Variants in WDFY3 observed in about 807,000 individuals in gnomAD.
WDFY3 encodes WD repeat and FYVE domain containing 3.
A neutral mutation model predicts 409.6 loss-of-function variants in WDFY3; 66 were observed. The ratio of observed to expected loss-of-function variants is 0.16; its 90% CI spans 0.13 to 0.20. The LOEUF is 0.20. WDFY3 is among the 10% of genes least tolerant of loss of function. WDFY3 has a pLI of 1.00. For synonymous variants in WDFY3, 1,521 were observed against 1,537.1 expected (o/e 0.99, Z 0.25); for missense variants, 3,031 against 4,298.1 (o/e 0.71, Z 8.24).
chr4:84,721,664 A>G, intron 46 of WDFY3, 92 bp from the exon 47 acceptor site: 1 of 1,463,016 alleles, frequency 6.8e-7, no homozygotes, highest in Non-Finnish European at 9.1e-7. Flanking sequence ...ATAGATTTCC[A>G]ATTTGAGACA....
At chr4:84,743,479 G>C (rs1033045200) in intron 37 of WDFY3, among the ~76,000 whole-genome samples, 3 of 152,052 alleles carry the variant, frequency 2.0e-5, no homozygotes, top group Non-Finnish European at 2.9e-5. Context: ...TCATATATCT[G>C]TCAAGAGTAA....
rs1362150894 is a variant in WDFY3, at chr4:84,751,691, C to A, written c.5765G>T (p.Gly1922Val). 6 of 1,614,130 alleles carry A rather than the reference C, an allele frequency of 3.7e-6. No homozygotes were observed. The South Asian group carries it at 6.6e-5, about 18-fold the overall frequency. ...CGCTTTAAACTCTTCTGCTGGAGAT[C>A]CAACTTCATCATCAAGGTCAGTCAC... ...EMVTDLDDEV[G>V]SPAEEFKAFA... is the part of the protein sequence containing the mutation. Residue 1922 changes from glycine to valine, a missense_variant, in exon 36 of 68, where the codon GGA (glycine) becomes GTA (valine). Physicochemically the swap from Gly to Val is moderately radical, Grantham distance 109 (BLOSUM62 -3). Transcript: ENST00000295888.
intron 9 of WDFY3, 91 bp downstream of exon 9, chr4:84,828,913 G>T: frequency 7.6e-7 from 1 of 1,308,538 alleles, no homozygotes; most frequent in Non-Finnish European, 1.0e-6. Flanking sequence ...TCCTTAATTT[G>T]CTTTTCCTAT....
intron 3 of WDFY3, among the ~76,000 whole-genome samples, chr4:84,867,576 T>G (rs1761562882): frequency 6.6e-6 from 1 of 152,180 alleles, no homozygotes; most frequent in African/African-American, 2.4e-5. Context: ...CAGATAGTAT[T>G]TCTTAATCTA....
chr4:84,683,648 G>T (rs1249306442), intron 63 of WDFY3, among the ~76,000 whole-genome samples: 1 of 152,178 alleles, frequency 6.6e-6, no homozygotes, highest in Non-Finnish European at 1.5e-5. Flanking sequence ...TACTTCTGCA[G>T]TTCGCATGTT....
chr4:84,743,200 C>G (rs1474006938), intron 37 of WDFY3, among the ~76,000 whole-genome samples: 3 of 152,090 alleles, frequency 2.0e-5, no homozygotes, highest in Non-Finnish European at 1.5e-5. Flanking sequence ...GTTTTATACA[C>G]AAATGTTGGC....
In WDFY3 at chr4:84,679,046, T is replaced by C; in HGVS notation, c.10020A>G (p.Leu3340=). 1 of 1,614,264 alleles carries C rather than the reference T, an allele frequency of 6.2e-7. No homozygotes were observed. Residue 3340 remains leucine (L), a synonymous_variant, in exon 65 of 68, where the codon CTA becomes CTG. Coordinates refer to ENST00000295888, the MANE Select transcript of WDFY3 (RefSeq NM_014991.6). ...CAAATATGAAGCCGTCTTTCTCATC[T>C]AGACTGAGCTGGTCGGACCAGCGTC... ...DSRRWSDQLS[L]DEKDGFIFVN... is the part of the protein sequence containing the mutation.
At chr4:84,757,271 T>C in intron 32 of WDFY3, 110 bp from the exon 33 acceptor site, 1 of 909,362 alleles carries the variant, frequency 1.1e-6, no homozygotes, top group South Asian at 1.6e-5. Context: ...ATCCAGAACA[T>C]TCATACTACT....
At chr4:84,740,111 C>A (rs1004998639) in intron 39 of WDFY3, 76 bp downstream of exon 39, 19 of 1,411,984 alleles carry the variant, frequency 1.3e-5, no homozygotes, top group East Asian at 2.3e-5. Flanking sequence ...ATGTTACTAT[C>A]AAAAAAAATA....
chr4:84,702,356 G>T lies in WDFY3; in HGVS notation c.8593C>A (p.Leu2865Ile), dbSNP rs1464008848. 1 of 1,606,608 alleles carries T rather than the reference G, an allele frequency of 6.2e-7. No individual in the cohort carries two copies. Among genetic ancestry groups the T allele is most frequent in the Non-Finnish European group, 8.5e-7 (1 of 1,176,852 alleles). The change falls in exon 56 of 68, where the codon CTA (leucine) becomes ATA (isoleucine). Residue 2865 changes from leucine to isoleucine, a missense_variant. Transcript: ENST00000295888. ...ACAGTGCCATAGCTCTACGTACCTA[G>T]ATCAAAGTTGTTGGAATTGAACAGG... ...EFLFNSNNFD[L>I]GCKQNGTKLG...
chr4:84,966,133 G>A (rs1775699124), intron 1 of WDFY3, 76 bp downstream of exon 1: 1 of 151,826 alleles, frequency 6.6e-6, no homozygotes, highest in Non-Finnish European at 1.5e-5. Context: ...CGAACAAAGC[G>A]GCCAGGCGCG....
intron 58 of WDFY3, among the ~76,000 whole-genome samples, 165 bp downstream of exon 58, chr4:84,695,805 A>C (rs557629211): frequency 2.0e-5 from 3 of 152,314 alleles, no homozygotes; most frequent in Non-Finnish European, 4.4e-5. Context: ...GGACTGTGAG[A>C]GTGAGAAAAA....
intron 3 of WDFY3, among the ~76,000 whole-genome samples, chr4:84,885,507 G>T (rs1197378028): frequency 6.6e-6 from 1 of 151,782 alleles, no homozygotes. Context: ...AAAAAAGAGA[G>T]AACACAATAG....
intron 3 of WDFY3, among the ~76,000 whole-genome samples, chr4:84,896,346 G>T (rs149823592): frequency 1.3e-5 from 2 of 151,980 alleles, no homozygotes; most frequent in African/African-American, 4.8e-5. Context: ...AAAATCAGAT[G>T]TATGCCCCTA....
At chr4:84,759,948 G>A (rs796784898) in intron 32 of WDFY3, among the ~76,000 whole-genome samples, 2,424 of 151,054 alleles carry the variant, frequency 0.016, 34 homozygotes, top group South Asian at 0.085. Flanking sequence ...GTTTGTCATA[G>A]ATAGCTCTTA....
chr4:84,737,888 C>T (rs1204025723), intron 40 of WDFY3, among the ~76,000 whole-genome samples: 3 of 152,128 alleles, frequency 2.0e-5, no homozygotes, highest in Admixed American at 6.5e-5. Flanking sequence ...AGCTGCTAGT[C>T]CCTCACCTCA....
At chr4:84,888,955 T>G (rs981829653) in intron 3 of WDFY3, among the ~76,000 whole-genome samples, 17 of 152,336 alleles carry the variant, frequency 1.1e-4, no homozygotes, top group African/African-American at 4.1e-4. Flanking sequence ...TCTTCTTTAC[T>G]TCTCTTTTCC....
intron 60 of WDFY3, 94 bp downstream of exon 60, chr4:84,691,537 C>T (rs1198175105): frequency 7.2e-7 from 1 of 1,391,626 alleles, no homozygotes; most frequent in Non-Finnish European, 9.8e-7. Flanking sequence ...CTGACAAGCC[C>T]TTGGACTGGG....
intron 60 of WDFY3, 33 bp downstream of exon 60, chr4:84,691,598 A>T: frequency 6.2e-7 from 1 of 1,608,160 alleles, no homozygotes; most frequent in Non-Finnish European, 8.5e-7. Context: ...CAAAAGAGCA[A>T]TATTAAATGA....
Sources: gnomAD v4.1 joint callset for allele counts (sites outside exome capture counted in the v4.1 genomes callset) on GRCh38, gnomAD v4.1.1 for gene constraint, MANE v1.5 for transcripts, NCBI Gene and HGNC (gene_info 2026-07-23, HGNC 2026-07-21) for gene names.